TENM2: variants seen among roughly 807,000 people sequenced by gnomAD.
TENM2 encodes teneurin transmembrane protein 2.
TENM2 carries 52 observed loss-of-function variants against 245.2 expected under a neutral mutation model. The ratio of observed to expected loss-of-function variants is 0.21; its 90% CI spans 0.17 to 0.27. TENM2 has a LOEUF of 0.27. Ranked by LOEUF, TENM2 falls within the 10% of genes least tolerant of loss-of-function variation. The probability of loss-of-function intolerance (pLI) is 1.00; values close to 1 mark genes in which losing one functional copy is unlikely to be tolerated. For synonymous variants in TENM2, 1,363 were observed against 1,438.9 expected (o/e 0.95, Z 1.19); for missense variants, 3,046 against 3,666.8 (o/e 0.83, Z 4.37).
intron 2 of TENM2, among the ~76,000 whole-genome samples, chr5:167,709,486 A>G (rs1758762353): frequency 6.6e-6 from 1 of 152,248 alleles, no homozygotes; most frequent in Non-Finnish European, 1.5e-5. Context: ...TAATGTCCAC[A>G]ACACTTATAA....
At chr5:167,801,159 T>TTC (rs1765740310) in intron 2 of TENM2, among the ~76,000 whole-genome samples, 1 of 125,576 alleles carries the variant, frequency 8.0e-6, no homozygotes, top group South Asian at 2.6e-4. Context: ...TATATGTATA[T>TTC]ATTCCCCAGG....
chr5:167,384,808 C>T (rs981512729), intron 2 of TENM2, among the ~76,000 whole-genome samples: 6 of 152,180 alleles, frequency 3.9e-5, no homozygotes, highest in Admixed American at 3.9e-4. Context: ...TCCAGAAACC[C>T]TTATACCACA....
At chr5:167,967,595 C>T (rs1781474574) in intron 4 of TENM2, among the ~76,000 whole-genome samples, 1 of 152,050 alleles carries the variant, frequency 6.6e-6, no homozygotes, top group South Asian at 2.1e-4. Context: ...CAGGGTACCA[C>T]AGCTAAGTCT....
In TENM2 at chr5:167,569,078, C is replaced by CTTTTTTTTTT. The variant is rs34311803; in HGVS notation, c.502+193626_502+193635dup. 6.9e-4 allele frequency among the ~76,000 whole-genome samples: 34 copies of CTTTTTTTTTT among 48,966 alleles called. 1 individual carries two copies. Among genetic ancestry groups the CTTTTTTTTTT allele is most frequent in the African/African-American group, 3.1e-3 (33 of 10,792 alleles). The allele number at this position is 48,966 out of a possible 152,430, so 32.1% of individuals were successfully genotyped here. The stretch of plus-strand genomic sequence containing the variant: ...ATCAATGAGTATCACCTTCCTACAG[C>CTTTTTTTTTT]TTTTTTTTTTTTTTTTTTTTTTTTT... On this transcript the variant is annotated intron_variant, in intron 2 of 28. Transcript: ENST00000518659.
intron 2 of TENM2, among the ~76,000 whole-genome samples, chr5:167,538,518 G>A (rs976126831): frequency 1.3e-5 from 2 of 152,154 alleles, no homozygotes; most frequent in African/African-American, 2.4e-5. Flanking sequence ...TTAACAATAA[G>A]TGAAAGGGTA....
At chr5:168,262,016 T>G (rs1180895801) in intron 28 of TENM2, 33 bp from the exon 31 acceptor site, 2 of 1,598,270 alleles carry the variant, frequency 1.3e-6, no homozygotes, top group Admixed American at 3.4e-5. Context: ...CCAGCTCATC[T>G]TCTCAGCTTT....
At chr5:168,227,225 C>CTGAT (rs1353232983) in intron 24 of TENM2, among the ~76,000 whole-genome samples, 3 of 152,222 alleles carry the variant, frequency 2.0e-5, no homozygotes, top group African/African-American at 4.8e-5. Context: ...GGTCAGACGT[C>CTGAT]TGATTGACTC....
chr5:168,240,657 T>G (rs568374767), intron 25 of TENM2, among the ~76,000 whole-genome samples: 1 of 152,020 alleles, frequency 6.6e-6, no homozygotes, highest in Admixed American at 6.6e-5. Flanking sequence ...AAGCCTGGCA[T>G]TAGCTGACAC....
chr5:167,722,332 T>C (rs765417231), intron 2 of TENM2, among the ~76,000 whole-genome samples: 75 of 152,182 alleles, frequency 4.9e-4, no homozygotes, highest in Non-Finnish European at 8.1e-4. Flanking sequence ...CAAAGGATGC[T>C]ATGGTCAGAA....
At chr5:168,189,858 T>G (rs1013867254) in intron 13 of TENM2, among the ~76,000 whole-genome samples, 8 of 152,204 alleles carry the variant, frequency 5.3e-5, no homozygotes, top group African/African-American at 1.7e-4. Context: ...TCCTTCTGCT[T>G]CAGCCTCCCA....
At chr5:167,047,904 A>G in the TENM2 span, among the ~76,000 whole-genome samples, 3 of 152,134 alleles carry the variant, frequency 2.0e-5, no homozygotes, top group Non-Finnish European at 2.9e-5. Context: ...ATGTTGGGTA[A>G]CTTATCTGTG....
chr5:167,326,380 A>T (rs1253242481), intron 1 of TENM2, among the ~76,000 whole-genome samples: 2 of 152,250 alleles, frequency 1.3e-5, no homozygotes, highest in African/African-American at 4.8e-5. Context: ...TACTCTTAAA[A>T]TAGGATAAAG....
chr5:167,862,717 A>T (rs1026490386), intron 2 of TENM2, among the ~76,000 whole-genome samples: 3 of 152,168 alleles, frequency 2.0e-5, no homozygotes, highest in Admixed American at 2.0e-4. Context: ...AGACATTTGG[A>T]GGTTCATTCT....
intron 12 of TENM2, among the ~76,000 whole-genome samples, chr5:168,128,056 T>A (rs1475222273): frequency 6.6e-6 from 1 of 152,220 alleles, no homozygotes; most frequent in African/African-American, 2.4e-5. Context: ...ATTTGGGTGG[T>A]TATACAGAGA....
the TENM2 span, among the ~76,000 whole-genome samples, chr5:167,091,289 T>G: frequency 6.6e-6 from 1 of 152,196 alleles, no homozygotes; most frequent in African/African-American, 2.4e-5. Flanking sequence ...ATTTACAAAA[T>G]TTACATATGT....
chr5:167,663,358 C>T (rs1755369245), intron 2 of TENM2, among the ~76,000 whole-genome samples: 1 of 152,184 alleles, frequency 6.6e-6, no homozygotes, highest in African/African-American at 2.4e-5. Context: ...GCCAGTTATA[C>T]AATTCTAGGT....
At position 167,417,492 on chromosome 5, in the gene TENM2, A is replaced by G. The variant is rs1342621980; in HGVS notation, c.502+42019A>G. Among the ~76,000 whole-genome samples, 3 of 152,122 alleles carry G rather than the reference A, an allele frequency of 2.0e-5. No individual in the cohort carries two copies. In the East Asian group the frequency reaches 5.8e-4, roughly 29 times the overall value. On this transcript the variant is annotated intron_variant, in intron 2 of 28. Coordinates refer to ENST00000518659, the Ensembl canonical transcript of TENM2. ...GAGGCCTTTTGCTTATTCTTATTCC[A>G]GCCTACAGAACTTATGTGCTTTTTC...
At chr5:167,836,844 C>T (rs35949741) in intron 2 of TENM2, among the ~76,000 whole-genome samples, 46,597 of 151,936 alleles carry the variant, frequency 0.31, 9,208 homozygotes, top group Non-Finnish European at 0.44. Flanking sequence ...AACTACAAAC[C>T]GGCTATCTCA....
chr5:167,663,184 G>A (rs147245302), intron 2 of TENM2, among the ~76,000 whole-genome samples: 70 of 129,984 alleles, frequency 5.4e-4, no homozygotes, highest in African/African-American at 2.1e-3. Context: ...GAGAGAGAGA[G>A]AGAAAGAGAG....
Sources: gnomAD v4.1 joint callset for allele counts (sites outside exome capture counted in the v4.1 genomes callset) on GRCh38, gnomAD v4.1.1 for gene constraint, MANE v1.5 for transcripts, NCBI Gene and HGNC (gene_info 2026-07-23, HGNC 2026-07-21) for gene names.